The following TRAPPC8 variants were observed in gnomAD, a reference collection of about 807,000 sequenced individuals.
TRAPPC8 encodes trafficking protein particle complex subunit 8.
Under a neutral mutation model 174.3 loss-of-function variants are expected in TRAPPC8, and 54 were observed. That is an observed-to-expected ratio of 0.31 (90% CI 0.25 to 0.39). The LOEUF (loss-of-function observed/expected upper bound fraction) is 0.39, where lower values mean the gene tolerates loss of function less well. Ranked by LOEUF, TRAPPC8 falls within the 10% of genes least tolerant of loss-of-function variation. TRAPPC8 has a pLI of 1.00. For synonymous variants in TRAPPC8, 630 were observed against 579.9 expected (o/e 1.09, Z -1.24); for missense variants, 1,531 against 1,699.1 (o/e 0.90, Z 1.74).
intron 12 of TRAPPC8, among the ~76,000 whole-genome samples, chr18:31,881,918 G>A (rs149569463): frequency 2.2e-3 from 335 of 152,108 alleles, no homozygotes; most frequent in African/African-American, 6.6e-3. Flanking sequence ...AATGTAAATC[G>A]AAACAATGAG....
intron 1 of TRAPPC8, among the ~76,000 whole-genome samples, chr18:31,932,554 G>A (rs2037893699): frequency 6.6e-6 from 1 of 152,150 alleles, no homozygotes; most frequent in Admixed American, 6.5e-5. Context: ...CCAGTAAGTA[G>A]TTCAGAGATT....
intron 11 of TRAPPC8, among the ~76,000 whole-genome samples, chr18:31,893,410 C>T (rs977468385): frequency 2.6e-5 from 4 of 151,374 alleles, no homozygotes; most frequent in South Asian, 2.1e-4. Flanking sequence ...TGTGCGCGCG[C>T]GCGTGTGCCT....
intron 2 of TRAPPC8, among the ~76,000 whole-genome samples, chr18:31,919,533 A>T (rs538830358): frequency 2.1e-4 from 24 of 115,642 alleles, no homozygotes; most frequent in African/African-American, 7.6e-4. Context: ...ACTCAGTCTC[A>T]AAATAAATAA....
intron 12 of TRAPPC8, among the ~76,000 whole-genome samples, chr18:31,880,648 T>C (rs560797167): frequency 2.6e-5 from 4 of 152,200 alleles, no homozygotes; most frequent in African/African-American, 9.6e-5. Flanking sequence ...CTAGAAGTCC[T>C]AGCCACAGCA....
chr18:31,834,618 T>C (rs1224871311), intron 27 of TRAPPC8, among the ~76,000 whole-genome samples: 3 of 152,194 alleles, frequency 2.0e-5, no homozygotes, highest in Non-Finnish European at 4.4e-5. Context: ...TGATTCTACC[T>C]CTTGGGTTTG....
chr18:31,932,456 A>C (rs112543504), intron 1 of TRAPPC8, among the ~76,000 whole-genome samples: 8,850 of 151,332 alleles, frequency 0.058, 274 homozygotes, highest in Middle Eastern at 0.11. Flanking sequence ...ACAACAACAA[A>C]AAAACAATGT....
At chr18:31,834,846 C>T (rs1416305268) in intron 27 of TRAPPC8, among the ~76,000 whole-genome samples, 2 of 152,148 alleles carry the variant, frequency 1.3e-5, no homozygotes, top group Non-Finnish European at 2.9e-5. Flanking sequence ...TGTCCCATTT[C>T]CTCACATTTC....
intron 11 of TRAPPC8, among the ~76,000 whole-genome samples, chr18:31,892,952 G>A (rs947861367): frequency 2.6e-5 from 4 of 151,680 alleles, no homozygotes; most frequent in Non-Finnish European, 4.4e-5. Flanking sequence ...GGGAGGCTGC[G>A]GCTGCAGTGA....
chr18:31,919,434 G>T (rs2037280852), intron 2 of TRAPPC8, among the ~76,000 whole-genome samples: 1 of 151,758 alleles, frequency 6.6e-6, no homozygotes, highest in Non-Finnish European at 1.5e-5. Context: ...TCGGGGGGCT[G>T]AGGCAGGAGA....
At chr18:31,889,312 T>C (rs1018250402) in intron 12 of TRAPPC8, among the ~76,000 whole-genome samples, 4 of 152,188 alleles carry the variant, frequency 2.6e-5, no homozygotes, top group Non-Finnish European at 5.9e-5. Flanking sequence ...AGCAATATGC[T>C]CTATAATCTG....
At chr18:31,881,939 A>G (rs2035475560) in intron 12 of TRAPPC8, among the ~76,000 whole-genome samples, 1 of 152,214 alleles carries the variant, frequency 6.6e-6, no homozygotes, top group South Asian at 2.1e-4. Context: ...ATACCATCTC[A>G]TACCAGTTTA....
chr18:31,881,530 G>A (rs1160089515), intron 12 of TRAPPC8, among the ~76,000 whole-genome samples: 1 of 151,742 alleles, frequency 6.6e-6, no homozygotes, highest in Non-Finnish European at 1.5e-5. Flanking sequence ...AGACCTCAAA[G>A]TATAAAAAAA....
intron 4 of TRAPPC8, among the ~76,000 whole-genome samples, chr18:31,915,717 T>C (rs547814140): frequency 7.2e-6 from 1 of 139,064 alleles, no homozygotes; most frequent in Non-Finnish European, 1.6e-5. Context: ...ACCCCGTCTC[T>C]ACTAAAAAAA....
chr18:31,898,695 G>T (rs940674274), intron 10 of TRAPPC8, among the ~76,000 whole-genome samples: 1 of 151,924 alleles, frequency 6.6e-6, no homozygotes, highest in African/African-American at 2.4e-5. Flanking sequence ...TCCAATTTTA[G>T]TTTTTTTTGT....
At chr18:31,876,851 A>G (rs2035179866) in intron 12 of TRAPPC8, among the ~76,000 whole-genome samples, 1 of 152,108 alleles carries the variant, frequency 6.6e-6, no homozygotes, top group Non-Finnish European at 1.5e-5. Context: ...AGGGACAAGG[A>G]TGTGGGTGGC....
At chr18:31,937,946 T>C (rs923161198) in intron 1 of TRAPPC8, among the ~76,000 whole-genome samples, 1 of 152,180 alleles carries the variant, frequency 6.6e-6, no homozygotes, top group East Asian at 1.9e-4. Flanking sequence ...CAGGTTATCA[T>C]CCAACTCAGC....
intron 2 of TRAPPC8, among the ~76,000 whole-genome samples, chr18:31,924,684 G>A (rs2037536806): frequency 7.3e-6 from 1 of 136,694 alleles, no homozygotes; most frequent in Non-Finnish European, 1.5e-5. Context: ...GTTGCAGTGA[G>A]CCAAGATCGC....
chr18:31,882,905 A>G (rs1324040506), intron 12 of TRAPPC8, among the ~76,000 whole-genome samples: 2 of 146,184 alleles, frequency 1.4e-5, no homozygotes, highest in Non-Finnish European at 3.0e-5. Context: ...ATGAGCCACC[A>G]TGCCTGGCCT....
At chr18:31,880,055 C>G (rs1450183855) in intron 12 of TRAPPC8, among the ~76,000 whole-genome samples, 1 of 124,894 alleles carries the variant, frequency 8.0e-6, no homozygotes, top group African/African-American at 3.1e-5. Context: ...CAAAGAAGAG[C>G]TGGTACCAAT....
Sources: gnomAD v4.1 joint callset for allele counts (sites outside exome capture counted in the v4.1 genomes callset) on GRCh38, gnomAD v4.1.1 for gene constraint, MANE v1.5 for transcripts, NCBI Gene and HGNC (gene_info 2026-07-23, HGNC 2026-07-21) for gene names.